Variants in ARB2A observed in about 807,000 individuals in gnomAD.
ARB2A encodes the protein ARB2 cotranscriptional regulator A, also known as cotranscriptional regulator ARB2A.
chr5:94,011,781 G>C, the ARB2A span, among the ~76,000 whole-genome samples: 6 of 151,436 alleles, frequency 4.0e-5, no homozygotes, highest in East Asian at 1.2e-3. Context: ...AGAGCAGAAA[G>C]AGACAGGATG....
At chr5:94,079,213 C>T in the ARB2A span, among the ~76,000 whole-genome samples, 67 of 152,074 alleles carry the variant, frequency 4.4e-4, 1 homozygote, top group Non-Finnish European at 8.2e-4. Context: ...ATTTACATTC[C>T]TTTACATTCC....
the ARB2A span, among the ~76,000 whole-genome samples, chr5:93,674,375 C>T: frequency 6.6e-6 from 1 of 152,188 alleles, no homozygotes; most frequent in African/African-American, 2.4e-5. Flanking sequence ...TCCACAAACA[C>T]ATTTGCTCTC....
the ARB2A span, chr5:93,776,348 CA>C: frequency 1.3e-6 from 1 of 760,162 alleles, no homozygotes; most frequent in Non-Finnish European, 2.1e-6. Context: ...AGAGTGTATT[CA>C]ATTTATTTTC....
At chr5:93,820,114 A>C in the ARB2A span, among the ~76,000 whole-genome samples, 1 of 152,228 alleles carries the variant, frequency 6.6e-6, no homozygotes, top group Non-Finnish European at 1.5e-5. Context: ...ATCAGTTGAG[A>C]TGATTCAATA....
At chr5:93,684,024 CTT>C in the ARB2A span, among the ~76,000 whole-genome samples, 1 of 152,100 alleles carries the variant, frequency 6.6e-6, no homozygotes, top group African/African-American at 2.4e-5. Context: ...TACTTTCTCC[CTT>C]TTTACAAAAC....
the ARB2A span, among the ~76,000 whole-genome samples, chr5:93,670,003 C>T: frequency 6.6e-5 from 10 of 152,302 alleles, no homozygotes; most frequent in African/African-American, 2.2e-4. Flanking sequence ...CAAACCTGTT[C>T]TTCTCCTAGA....
At chr5:93,767,131 T>C in the ARB2A span, among the ~76,000 whole-genome samples, 1 of 152,070 alleles carries the variant, frequency 6.6e-6, no homozygotes, top group African/African-American at 2.4e-5. Flanking sequence ...ATGGCACATG[T>C]ATACACATGT....
At chr5:93,907,455 C>G in the ARB2A span, among the ~76,000 whole-genome samples, 1 of 151,338 alleles carries the variant, frequency 6.6e-6, no homozygotes, top group South Asian at 2.1e-4. Context: ...TCAGACTCAA[C>G]TGTAGTAGCA....
the ARB2A span, among the ~76,000 whole-genome samples, chr5:93,762,600 G>A: frequency 6.6e-6 from 1 of 152,224 alleles, no homozygotes; most frequent in East Asian, 1.9e-4. Context: ...GTGATATGGA[G>A]AATGGAACGA....
At chr5:93,782,371 A>G in the ARB2A span, among the ~76,000 whole-genome samples, 3 of 152,168 alleles carry the variant, frequency 2.0e-5, no homozygotes, top group Non-Finnish European at 4.4e-5. Flanking sequence ...AACAGACCCA[A>G]AAAGATGAAG....
chr5:93,775,656 G>C, the ARB2A span, among the ~76,000 whole-genome samples: 1 of 152,140 alleles, frequency 6.6e-6, no homozygotes, highest in South Asian at 2.1e-4. Flanking sequence ...TCCTTAAATT[G>C]CTCTGTCTCC....
chr5:93,820,661 T>G, the ARB2A span, among the ~76,000 whole-genome samples: 12 of 152,198 alleles, frequency 7.9e-5, no homozygotes, highest in Non-Finnish European at 1.6e-4. Context: ...TTAATAACTG[T>G]AACTTTACAT....
At chr5:94,044,874 T>C in the ARB2A span, among the ~76,000 whole-genome samples, 2 of 152,052 alleles carry the variant, frequency 1.3e-5, no homozygotes, top group South Asian at 4.2e-4. Context: ...CATCAGGAAG[T>C]TACCCTACCA....
the ARB2A span, among the ~76,000 whole-genome samples, chr5:94,096,850 G>A: frequency 6.6e-6 from 1 of 152,168 alleles, no homozygotes; most frequent in Non-Finnish European, 1.5e-5. Flanking sequence ...CTCAACACAG[G>A]GTTACTGAGC....
the ARB2A span, chr5:93,860,568 C>T: frequency 1.3e-5 from 2 of 150,200 alleles, no homozygotes; most frequent in Admixed American, 1.3e-4. Context: ...AACATTAAGA[C>T]AAAATTCATA....
the ARB2A span, among the ~76,000 whole-genome samples, chr5:94,018,086 T>C: frequency 6.6e-6 from 1 of 152,180 alleles, no homozygotes; most frequent in Non-Finnish European, 1.5e-5. Context: ...TATGAAACTG[T>C]AAGTCCAATT....
chr5:94,081,666 G>A, the ARB2A span, among the ~76,000 whole-genome samples: 4 of 152,138 alleles, frequency 2.6e-5, no homozygotes, highest in African/African-American at 9.7e-5. Context: ...GAAATAGGAA[G>A]TTGACTAATA....
the ARB2A span, chr5:93,741,130 G>A: frequency 6.2e-7 from 1 of 1,613,790 alleles, no homozygotes; most frequent in Non-Finnish European, 8.5e-7. Context: ...CCCCACATCG[G>A]CCTGCGAGTA....
At chr5:93,781,102 G>A in the ARB2A span, among the ~76,000 whole-genome samples, 2 of 152,000 alleles carry the variant, frequency 1.3e-5, no homozygotes, top group Admixed American at 1.3e-4. Flanking sequence ...TGGGCTTTTA[G>A]TGTAACTGTC....
Sources: allele counts gnomAD v4.1 joint callset (sites outside exome capture counted in the v4.1 genomes callset), GRCh38; gene constraint gnomAD v4.1.1; transcripts MANE v1.5; gene names NCBI Gene and HGNC (gene_info 2026-07-23, HGNC 2026-07-21).